Variants in ZC3H14 observed in about 807,000 individuals in gnomAD.
ZC3H14 encodes zinc finger CCCH domain-containing protein 14.
In ZC3H14, 31 loss-of-function variants were observed where a neutral mutation model predicts 92.4. The observed-to-expected ratio is 0.34, with a 90% CI of 0.25 to 0.45. ZC3H14 has a LOEUF of 0.45. Ranked by LOEUF, ZC3H14 falls within the 20% of genes least tolerant of loss-of-function variation. The pLI, the probability that ZC3H14 is intolerant of heterozygous loss-of-function variation, is 1.00. For synonymous variants in ZC3H14, 321 were observed against 300.9 expected (o/e 1.07, Z -0.69); for missense variants, 781 against 897.3 (o/e 0.87, Z 1.66).
rs749578989 is a variant in ZC3H14, at chr14:88,621,904, C to T, written c.*10153C>T. Reference sequence around the variant, plus strand: ...CTTTCAAAATCCTCTCTTGTAAATACCTGAAAATACATAAATACGTGATTC... The same window carrying T: ...CTTTCAAAATCCTCTCTTGTAAATATCTGAAAATACATAAATACGTGATTC... On this transcript the variant is annotated 3_prime_UTR_variant, in exon 17 of 17. Transcript: ENST00000251038. The T allele has an allele frequency of 1.8e-5, 8 of 456,072 alleles. No individual in the cohort carries two copies. The highest frequency in any genetic ancestry group is 1.2e-4 in the African/African-American group (6 of 50,030). The allele number at this position is 456,072 out of a possible 1,614,324, so 28.3% of individuals were successfully genotyped here.
In ZC3H14 at chr14:88,616,015, T is replaced by A; in HGVS notation, c.*4264T>A. 1 of 1,285,000 alleles carries A rather than the reference T, an allele frequency of 7.8e-7. No homozygotes were observed. Among genetic ancestry groups the A allele is most frequent in the African/African-American group, 1.5e-5 (1 of 67,734 alleles). The allele number at this position is 1,285,000 out of a possible 1,614,324, so 79.6% of individuals were successfully genotyped here. A position where few individuals can be genotyped will look rare whatever the true frequency, so the allele number is the denominator to read the frequency against. On this transcript the variant is annotated 3_prime_UTR_variant, in exon 17 of 17. Transcript: ENST00000251038. Reference sequence around the variant, plus strand: ...ATAAATATGAGATTCTGAAGAGCCATCTGGTTATACTACCTTCTACTAATG... The same window carrying A: ...ATAAATATGAGATTCTGAAGAGCCAACTGGTTATACTACCTTCTACTAATG...
rs2083894884 is a variant in ZC3H14 at position 88,596,812 on chromosome 14, GGTAAT to G, written c.1354+7_1354+11del. On this transcript the variant is annotated splice_donor_5th_base_variant and intron_variant, in intron 10 of 16. Transcript: ENST00000251038. Reference sequence around the variant, plus strand: ...GAAACTCTGCAGATGAGTCAAGGTTGGTAATGTTTCAAGTTGTACTGTAATCCAGC... The same window carrying G: ...GAAACTCTGCAGATGAGTCAAGGTTGGTTTCAAGTTGTACTGTAATCCAGC... The G allele has an allele frequency of 6.2e-6, 10 of 1,613,706 alleles. No homozygotes were observed. Among genetic ancestry groups the G allele is most frequent in the Non-Finnish European group, 8.5e-6 (10 of 1,179,718 alleles).
Position 88,603,060 on chromosome 14 carries a change from G to T in ZC3H14, c.1747G>T (p.Ala583Ser). The change falls in exon 12 of 17, where the codon GCT becomes TCT. Residue 583 changes from alanine (A) to serine (S), a missense_variant and splice_region_variant. Physicochemically the swap from Ala to Ser is moderately conservative, Grantham distance 99. Around this residue, in one of 3 missense-constraint regions of ZC3H14, gnomAD observed 221 missense variants for 304.7 expected, o/e 0.73. Coordinates refer to ENST00000251038, the MANE Select transcript of ZC3H14 (RefSeq NM_024824.5). Reference protein sequence around the residue: ...LEDPNGSFSNAEMSELSVAQK... With the variant: ...LEDPNGSFSNSEMSELSVAQK... ...GGACCCAAATGGTAGCTTTTCTAAC[G>T]GTGTGTTGAGAGCTCAGATTTTCAG... 6.2e-7 allele frequency: 1 copy of T among 1,613,960 alleles called. No individual in the cohort carries two copies. The highest frequency in any genetic ancestry group is 2.2e-5 in the East Asian group (1 of 44,860).
chr14:88,604,298 T>C (rs929141491), intron 12 of ZC3H14, among the ~76,000 whole-genome samples: 5 of 152,162 alleles, frequency 3.3e-5, no homozygotes, highest in African/African-American at 9.6e-5. Context: ...CCATGATGAG[T>C]GGTGAGCCTC....
intron 9 of ZC3H14, chr14:88,595,202 G>A: frequency 6.4e-7 from 1 of 1,555,240 alleles, no homozygotes; most frequent in Non-Finnish European, 8.6e-7. Flanking sequence ...TGTGGAGGGA[G>A]CAAGTTACAG....
Position 88,572,224 on chromosome 14 carries a change from A to G in ZC3H14, c.430A>G (p.Arg144Gly), listed in dbSNP as rs1426792515. 8.7e-6 allele frequency: 14 copies of G among 1,614,140 alleles called. No homozygotes were observed. Among genetic ancestry groups the G allele is most frequent in the Non-Finnish European group, 1.2e-5 (14 of 1,179,998 alleles). ...SSQESKTTNV[R>G]QTYDDGAATR... is the part of the protein sequence containing the mutation. ...GCAGGAGTCAAAAACCACAAATGTC[A>G]GGTAAGAGTCTGGTGTAGACCTGCT... Residue 144 changes from arginine to glycine, a missense_variant and splice_region_variant, in exon 5 of 17, where the codon AGA becomes GGA. Physicochemically the swap from Arg to Gly is moderately radical, Grantham distance 125. Transcript: ENST00000251038.
chr14:88,569,605 C>T (rs111917560), intron 3 of ZC3H14, among the ~76,000 whole-genome samples: 1 of 152,084 alleles, frequency 6.6e-6, no homozygotes, highest in Non-Finnish European at 1.5e-5. Flanking sequence ...TTAGGCTTCT[C>T]AGGCTAGGAA....
Position 88,622,979 on chromosome 14 carries a change from C to A in ZC3H14, c.*11228C>A. 3.3e-6 allele frequency: 1 copy of A among 307,448 alleles called. No individual in the cohort carries two copies. The highest frequency in any genetic ancestry group is 5.9e-6 in the Non-Finnish European group (1 of 169,066). The allele number at this position is 307,448 out of a possible 1,614,324, so 19.0% of individuals were successfully genotyped here. ...ACATGAGCATAATTTTATTTAGCCT[C>A]TACAATACATTACAATACATTATCC... On this transcript the variant is annotated 3_prime_UTR_variant, in exon 17 of 17. Coordinates refer to ENST00000251038, the MANE Select transcript of ZC3H14 (RefSeq NM_024824.5).
intron 9 of ZC3H14, chr14:88,592,518 T>G (rs1290978478): frequency 1.5e-4 from 12 of 80,176 alleles, no homozygotes; most frequent in South Asian, 8.3e-4. Flanking sequence ...TTTTTTTTTT[T>G]GAGACAGATT....
chr14:88,605,044 G>A lies in ZC3H14; in HGVS notation c.1747+1984G>A, dbSNP rs137869248. Among the ~76,000 whole-genome samples the A allele has an allele frequency of 6.2e-4, 95 of 152,298 alleles. 1 individual carries two copies. In the East Asian group the frequency reaches 0.011, roughly 17 times the overall value. On this transcript the variant is annotated intron_variant, in intron 12 of 16. Transcript: ENST00000251038. Reference sequence around the variant, plus strand: ...AAGAAAGATAAAGTTTCTTTGTAAGGTATTATTGTAATAATCACATTTCTT... The same window carrying A: ...AAGAAAGATAAAGTTTCTTTGTAAGATATTATTGTAATAATCACATTTCTT...
chr14:88,578,908 C>A (rs935160011), intron 9 of ZC3H14, among the ~76,000 whole-genome samples: 3 of 150,916 alleles, frequency 2.0e-5, no homozygotes, highest in Non-Finnish European at 4.4e-5. Flanking sequence ...CTCCCCTCCT[C>A]CTCATTACCC....
At chr14:88,576,978 A>T (rs2081249826) in intron 8 of ZC3H14, among the ~76,000 whole-genome samples, 1 of 151,942 alleles carries the variant, frequency 6.6e-6, no homozygotes. Context: ...TTTTTAGTAG[A>T]GGCGGGGTTC....
intron 9 of ZC3H14, chr14:88,595,222 A>G: frequency 6.5e-7 from 1 of 1,531,948 alleles, no homozygotes; most frequent in Non-Finnish European, 8.7e-7. Flanking sequence ...GAGAACTTGA[A>G]TTTTTCATGG....
chr14:88,577,824 C>G (rs958733711), intron 8 of ZC3H14, among the ~76,000 whole-genome samples, 161 bp from the exon 9 acceptor site: 1 of 152,164 alleles, frequency 6.6e-6, no homozygotes, highest in African/African-American at 2.4e-5. Context: ...CCCACCTTGC[C>G]TCCCAAAGTG....
intron 13 of ZC3H14, 118 bp from the exon 14 acceptor site, chr14:88,609,149 G>GTT: frequency 8.1e-7 from 1 of 1,234,646 alleles, no homozygotes; most frequent in Non-Finnish European, 1.1e-6. Context: ...TTTTGTTGCT[G>GTT]TTTTTTTTGC....
intron 2 of ZC3H14, among the ~76,000 whole-genome samples, chr14:88,566,745 C>T (rs1360451491): frequency 2.0e-5 from 3 of 152,016 alleles, no homozygotes; most frequent in Non-Finnish European, 2.9e-5. Context: ...CATGCTGAAA[C>T]CTGGTGTCTA....
chr14:88,581,750 A>G (rs1264904353), intron 9 of ZC3H14, among the ~76,000 whole-genome samples: 1 of 152,164 alleles, frequency 6.6e-6, no homozygotes, highest in African/African-American at 2.4e-5. Flanking sequence ...ATTGGCCAAA[A>G]ATGGAATTAT....
intron 3 of ZC3H14, among the ~76,000 whole-genome samples, chr14:88,570,520 T>C (rs1014458190): frequency 1.3e-5 from 2 of 152,186 alleles, no homozygotes; most frequent in African/African-American, 4.8e-5. Context: ...CACCATCTAG[T>C]TTAAGCAGTT....
At chr14:88,567,767 C>A in intron 2 of ZC3H14, 1 of 451,494 alleles carries the variant, frequency 2.2e-6, no homozygotes, top group Non-Finnish European at 4.1e-6. Flanking sequence ...TAAAAAGATT[C>A]AAGGAAGTGA....
Sources: gnomAD v4.1 joint callset for allele counts (sites outside exome capture counted in the v4.1 genomes callset) on GRCh38, gnomAD v4.1.1 for gene constraint, gnomAD v4.1.1 regional missense constraint, MANE v1.5 for transcripts, NCBI Gene and HGNC (gene_info 2026-07-23, HGNC 2026-07-21) for gene names.